The following EPHB1 variants were observed in gnomAD, a reference collection of about 807,000 sequenced individuals.
EPHB1 encodes EPH receptor B1, also known as ephrin type-B receptor 1.
In EPHB1, 30 loss-of-function variants were observed where a neutral mutation model predicts 94.4. The observed-to-expected ratio is 0.32, with a 90% confidence interval of 0.24 to 0.43. The LOEUF (loss-of-function observed/expected upper bound fraction) is 0.43. Ranked by LOEUF, EPHB1 falls within the 20% of genes least tolerant of loss-of-function variation. EPHB1 has a pLI of 1.00. For missense variants in EPHB1, 1,055 were observed against 1,308.3 expected (o/e 0.81, Z 2.99); for synonymous variants, 522 against 489.1 (o/e 1.07, Z -0.89).
chr3:135,163,639 A>G (rs1941572638), intron 7 of EPHB1, among the ~76,000 whole-genome samples: 1 of 152,222 alleles, frequency 6.6e-6, no homozygotes, highest in Admixed American at 6.5e-5. Flanking sequence ...CACAGGATTA[A>G]AAGCCCAAAA....
At chr3:135,097,157 T>C (rs1938824841) in intron 3 of EPHB1, among the ~76,000 whole-genome samples, 1 of 144,546 alleles carries the variant, frequency 6.9e-6, no homozygotes. Flanking sequence ...ACGTATGATT[T>C]TTTTTTCTTT....
intron 6 of EPHB1, among the ~76,000 whole-genome samples, chr3:135,161,311 G>A (rs898371453): frequency 6.6e-6 from 1 of 151,654 alleles, no homozygotes; most frequent in Admixed American, 6.6e-5. Context: ...CAGAGTAGGT[G>A]GGGGGGATGA....
At chr3:134,878,062 C>G (rs971648438) in intron 1 of EPHB1, among the ~76,000 whole-genome samples, 1 of 152,200 alleles carries the variant, frequency 6.6e-6, no homozygotes, top group African/African-American at 2.4e-5. Flanking sequence ...CCCCAGCCTT[C>G]CCCCGGAGGG....
intron 3 of EPHB1, among the ~76,000 whole-genome samples, chr3:135,005,635 G>C (rs1158291364): frequency 6.6e-6 from 1 of 152,256 alleles, no homozygotes; most frequent in Non-Finnish European, 1.5e-5. Flanking sequence ...GACCCTCCGA[G>C]CCAGGTGCGG....
At chr3:135,054,056 CACACACACACACACAT>C (rs1298333811) in intron 3 of EPHB1, among the ~76,000 whole-genome samples, 3 of 151,546 alleles carry the variant, frequency 2.0e-5, no homozygotes, top group Non-Finnish European at 4.4e-5. Flanking sequence ...CACACACACA[CACACACACACACACAT>C]AGCATTATTT....
At chr3:134,845,920 C>T (rs2036864103) in intron 1 of EPHB1, among the ~76,000 whole-genome samples, 1 of 152,130 alleles carries the variant, frequency 6.6e-6, no homozygotes, top group Non-Finnish European at 1.5e-5. Context: ...CCTCTGGCCC[C>T]TCTGCTTACA....
chr3:134,824,340 T>C (rs1381076156), intron 1 of EPHB1, among the ~76,000 whole-genome samples: 2 of 152,084 alleles, frequency 1.3e-5, no homozygotes, highest in Non-Finnish European at 2.9e-5. Flanking sequence ...CGATGTTGAC[T>C]CTGCTGGGCA....
chr3:134,994,166 G>A (rs928325724), intron 3 of EPHB1, among the ~76,000 whole-genome samples: 1 of 152,168 alleles, frequency 6.6e-6, no homozygotes, highest in Non-Finnish European at 1.5e-5. Flanking sequence ...GGGAAAGGAT[G>A]TTTATCATTT....
chr3:135,133,187 GGGC>G, intron 5 of EPHB1, 138 bp downstream of exon 5: 1 of 842,422 alleles, frequency 1.2e-6, no homozygotes. Context: ...GTCAGGTGAT[GGGC>G]ATTTGTGATC....
At chr3:134,988,773 C>T (rs1284418379) in intron 3 of EPHB1, among the ~76,000 whole-genome samples, 1 of 152,168 alleles carries the variant, frequency 6.6e-6, no homozygotes, top group Non-Finnish European at 1.5e-5. Flanking sequence ...GAATTTATTT[C>T]TGTATACTTG....
intron 3 of EPHB1, among the ~76,000 whole-genome samples, chr3:135,093,536 G>C (rs1284457104): frequency 2.6e-5 from 4 of 152,274 alleles, no homozygotes; most frequent in East Asian, 3.9e-4. Context: ...TGGCCGACAT[G>C]ATGAAACCCT....
chr3:135,165,357 T>C (rs768557961), intron 7 of EPHB1, among the ~76,000 whole-genome samples: 1 of 152,216 alleles, frequency 6.6e-6, no homozygotes, highest in Non-Finnish European at 1.5e-5. Context: ...TCTGCCTCTA[T>C]GACCCGTAGG....
At chr3:134,856,288 C>T (rs1355682977) in intron 1 of EPHB1, among the ~76,000 whole-genome samples, 1 of 152,146 alleles carries the variant, frequency 6.6e-6, no homozygotes, top group Non-Finnish European at 1.5e-5. Context: ...AGCAAGGTGG[C>T]AGTGTATAGG....
chr3:134,856,331 C>G (rs1445283504), intron 1 of EPHB1, among the ~76,000 whole-genome samples: 1 of 152,124 alleles, frequency 6.6e-6, no homozygotes, highest in East Asian at 1.9e-4. Context: ...GGCAACCCAG[C>G]CTCCCCTCAG....
rs556388752 is a variant in EPHB1 at position 135,016,777 on chromosome 3, T to C, written c.805+64725T>C. On this transcript the variant is annotated intron_variant, in intron 3 of 15. Transcript: ENST00000398015. The stretch of plus-strand genomic sequence containing the variant: ...ATAGCTTTTTTTCCTTCTTTCAAGA[T>C]CAAAATAAAAATTTCACTGATTAGC... Among the ~76,000 whole-genome samples the C allele has an allele frequency of 7.4e-4, 112 of 152,284 alleles. 1 individual carries two copies. Among genetic ancestry groups the C allele is most frequent in the Admixed American group, 9.1e-4 (14 of 15,302 alleles).
intron 3 of EPHB1, among the ~76,000 whole-genome samples, chr3:135,041,903 G>C (rs372305480): frequency 2.0e-5 from 3 of 152,018 alleles, no homozygotes; most frequent in Admixed American, 1.3e-4. Context: ...GAGAGACAGA[G>C]AGCACACAAA....
chr3:135,143,687 A>C (rs1465604710), intron 5 of EPHB1, among the ~76,000 whole-genome samples: 1 of 152,174 alleles, frequency 6.6e-6, no homozygotes. Flanking sequence ...GACATGCCCC[A>C]GTTGACATGT....
At chr3:134,973,068 G>A (rs1199247990) in intron 3 of EPHB1, among the ~76,000 whole-genome samples, 2 of 152,212 alleles carry the variant, frequency 1.3e-5, no homozygotes, top group South Asian at 4.1e-4. Context: ...AGGCATTGGA[G>A]TCTGATTCAG....
chr3:135,133,742 C>A (rs895072165), intron 5 of EPHB1, among the ~76,000 whole-genome samples: 34 of 152,190 alleles, frequency 2.2e-4, no homozygotes, highest in African/African-American at 8.2e-4. Flanking sequence ...AACACATTTT[C>A]TTCCTCTTTA....
Sources: allele counts gnomAD v4.1 joint callset (sites outside exome capture counted in the v4.1 genomes callset), GRCh38; gene constraint gnomAD v4.1.1; transcripts MANE v1.5; gene names NCBI Gene and HGNC (gene_info 2026-07-23, HGNC 2026-07-21).